Variants in TMEM63C observed in about 807,000 individuals in gnomAD.
TMEM63C encodes osmosensitive cation channel TMEM63C.
TMEM63C carries 32 observed loss-of-function variants against 99.2 expected under a neutral mutation model. The ratio of observed to expected loss-of-function variants is 0.32; its 90% CI spans 0.24 to 0.43. The LOEUF is 0.43. Ranked by LOEUF, TMEM63C falls within the 20% of genes least tolerant of loss-of-function variation. The pLI is 1.00. For missense variants in TMEM63C, 826 were observed against 1,053.0 expected, an observed-to-expected ratio of 0.78 and a Z score of 2.98; for synonymous variants, 376 against 397.9, an observed-to-expected ratio of 0.94 and a Z score of 0.66.
intron 9 of TMEM63C, among the ~76,000 whole-genome samples, chr14:77,237,337 G>C (rs1468774440): frequency 6.6e-6 from 1 of 152,024 alleles, no homozygotes; most frequent in Non-Finnish European, 1.5e-5. Flanking sequence ...AGAGACCCCC[G>C]TGTATCCCCA....
chr14:77,211,910 C>T (rs532437857), intron 1 of TMEM63C, among the ~76,000 whole-genome samples: 3 of 152,276 alleles, frequency 2.0e-5, no homozygotes, highest in Admixed American at 6.5e-5. Context: ...CCCTCCTTGG[C>T]CCACAAAGCA....
chr14:77,207,361 T>C (rs958146811), intron 1 of TMEM63C, among the ~76,000 whole-genome samples: 1 of 152,264 alleles, frequency 6.6e-6, no homozygotes, highest in Non-Finnish European at 1.5e-5. Flanking sequence ...TCTCTGGGCC[T>C]GAAATTCCTC....
chr14:77,239,356 G>C, intron 10 of TMEM63C, 56 bp from the exon 11 acceptor site: 1 of 1,584,294 alleles, frequency 6.3e-7, no homozygotes, highest in South Asian at 1.1e-5. Context: ...CAGGGGGTAG[G>C]GGCAGCACAT....
At position 77,253,298 on chromosome 14, in the gene TMEM63C, G is replaced by C. The variant is rs561308924; in HGVS notation, c.2149-7G>C. The C allele has an allele frequency of 3.1e-6, 5 of 1,612,188 alleles. No individual in the cohort carries two copies. In the East Asian group the frequency reaches 1.1e-4, roughly 36 times the overall value. On this transcript the variant is annotated splice_region_variant and splice_polypyrimidine_tract_variant and intron_variant, in intron 22 of 23. Coordinates refer to ENST00000298351, the MANE Select transcript of TMEM63C (RefSeq NM_020431.4). ...CTCCTGTAACCCACCACCTCTCCCTGCTGCAGCCCGAGGAGGAGGAGATCC... is the reference window on the plus strand; with the variant it reads ...CTCCTGTAACCCACCACCTCTCCCTCCTGCAGCCCGAGGAGGAGGAGATCC...
chr14:77,236,585 C>A, intron 8 of TMEM63C, 39 bp from the exon 9 acceptor site: 1 of 1,468,526 alleles, frequency 6.8e-7, no homozygotes, highest in Non-Finnish European at 9.5e-7. Context: ...CTGGGGAGCT[C>A]ACAGGCTGAC....
At chr14:77,251,659 T>A in intron 21 of TMEM63C, 130 bp from the exon 22 acceptor site, 1 of 688,926 alleles carries the variant, frequency 1.5e-6, no homozygotes, top group East Asian at 2.5e-5. Flanking sequence ...TAGATGCCAG[T>A]TGTTATCAGA....
Position 77,202,822 on chromosome 14 carries a change from GGC to G in TMEM63C, c.-76-10621_-76-10620del, listed in dbSNP as rs1433450205. Among the ~76,000 whole-genome samples, 8 of 133,006 alleles carry G rather than the reference GGC, an allele frequency of 6.0e-5. No individual in the cohort carries two copies. In the South Asian group the frequency reaches 1.3e-3, roughly 22 times the overall value. The allele number at this position is 133,006 out of a possible 152,430, so 87.3% of individuals were successfully genotyped here. A position where few individuals can be genotyped will look rare whatever the true frequency, so the allele number is the denominator to read the frequency against. The stretch of plus-strand genomic sequence containing the variant: ...ACATAGCTACAGAGGCAGACAGGCA[GGC>G]GCACACACACACACACACACACACA... On this transcript the variant is annotated intron_variant, in intron 1 of 23. Transcript: ENST00000298351.
In TMEM63C at chr14:77,249,445, C is replaced by T; in HGVS notation, c.2025C>T (p.Ser675=). 6.2e-7 allele frequency: 1 copy of T among 1,614,010 alleles called. No homozygotes were observed. Among genetic ancestry groups the T allele is most frequent in the South Asian group, 1.1e-5 (1 of 91,082 alleles). Residue 675 remains serine (S), a synonymous_variant, in exon 21 of 24, where the codon TCC becomes TCT. Transcript: ENST00000298351. The stretch of plus-strand genomic sequence containing the variant: ...GTCTGTTCTGGATGCTGTTCTTCTC[C>T]ATCCTGCGGTTGGGTAGGTACCAAG... ...LLGLFWMLFF[S]ILRLGSLHAI...
intron 1 of TMEM63C, among the ~76,000 whole-genome samples, chr14:77,195,376 G>C (rs563269447): frequency 2.0e-5 from 3 of 152,142 alleles, no homozygotes; most frequent in Non-Finnish European, 4.4e-5. Flanking sequence ...GAAAGGGACC[G>C]ATGATCCCTT....
At chr14:77,182,641 C>T (rs1887933563) in intron 1 of TMEM63C, among the ~76,000 whole-genome samples, 1 of 152,134 alleles carries the variant, frequency 6.6e-6, no homozygotes, top group Non-Finnish European at 1.5e-5. Context: ...CCAGGACCTC[C>T]CCCCACCCCA....
chr14:77,215,007 C>T (rs1888556073), intron 2 of TMEM63C, among the ~76,000 whole-genome samples: 2 of 152,142 alleles, frequency 1.3e-5, no homozygotes, highest in African/African-American at 4.8e-5. Flanking sequence ...ACACCCTCAA[C>T]CCTCTTGTGT....
At chr14:77,203,342 A>G (rs937618235) in intron 1 of TMEM63C, among the ~76,000 whole-genome samples, 2 of 148,896 alleles carry the variant, frequency 1.3e-5, no homozygotes, top group African/African-American at 4.9e-5. Context: ...AGATCCTGCC[A>G]CTTCACTCCA....
intron 15 of TMEM63C, among the ~76,000 whole-genome samples, chr14:77,243,708 A>T (rs537235605): frequency 6.6e-6 from 1 of 152,238 alleles, no homozygotes; most frequent in East Asian, 1.9e-4. Flanking sequence ...GGAGCCTAGA[A>T]GGTCTCTTCT....
Position 77,249,457 on chromosome 14 carries a change from G to A in TMEM63C, c.2037G>A (p.Leu679=), listed in dbSNP as rs762936444. ...FWMLFFSILR[L]GSLHAITIFS... The stretch of plus-strand genomic sequence containing the variant: ...TGCTGTTCTTCTCCATCCTGCGGTT[G>A]GGTAGGTACCAAGCCAGCCTGGAGA... The change falls in exon 21 of 24, where the codon TTG becomes TTA. Residue 679 remains leucine (L), a splice_region_variant and synonymous_variant. Transcript: ENST00000298351. 1.5e-5 allele frequency: 24 copies of A among 1,613,762 alleles called. No homozygotes were observed. The highest frequency in any genetic ancestry group is 2.0e-5 in the Non-Finnish European group (24 of 1,179,824).
chr14:77,191,768 T>C (rs978422893), intron 1 of TMEM63C, among the ~76,000 whole-genome samples: 1 of 152,130 alleles, frequency 6.6e-6, no homozygotes. Context: ...GGTCTCGAAC[T>C]CCCGACCTCA....
intron 6 of TMEM63C, among the ~76,000 whole-genome samples, chr14:77,230,783 T>C (rs1888925146): frequency 6.6e-6 from 1 of 152,144 alleles, no homozygotes; most frequent in Non-Finnish European, 1.5e-5. Context: ...AACTGGTCCC[T>C]GGTGCCAAAA....
chr14:77,209,974 A>T (rs954820934), intron 1 of TMEM63C, among the ~76,000 whole-genome samples: 4 of 152,076 alleles, frequency 2.6e-5, no homozygotes, highest in African/African-American at 9.7e-5. Flanking sequence ...ATTGCATGGG[A>T]GGAGAATATA....
intron 1 of TMEM63C, among the ~76,000 whole-genome samples, chr14:77,189,046 A>G (rs533230298): frequency 4.6e-4 from 70 of 152,332 alleles, no homozygotes; most frequent in African/African-American, 1.6e-3. Flanking sequence ...AATTTCAAAA[A>G]CAATGTTGCA....
chr14:77,198,446 T>C (rs1306684091), intron 1 of TMEM63C, among the ~76,000 whole-genome samples: 2 of 152,218 alleles, frequency 1.3e-5, no homozygotes, highest in Non-Finnish European at 2.9e-5. Context: ...TTCTGTATTT[T>C]CCCGTCTGTG....
Sources: allele counts gnomAD v4.1 joint callset (sites outside exome capture counted in the v4.1 genomes callset), GRCh38; gene constraint gnomAD v4.1.1; transcripts MANE v1.5; gene names NCBI Gene and HGNC (gene_info 2026-07-23, HGNC 2026-07-21).